CDC16: variants seen among roughly 807,000 people sequenced by gnomAD.
CDC16 encodes the protein cell division cycle protein 16 homolog.
A neutral mutation model predicts 87.0 loss-of-function variants in CDC16; 34 were observed. The observed-to-expected ratio is 0.39, with a 90% confidence interval of 0.30 to 0.52. The LOEUF is 0.52. CDC16 is among the 20% of genes least tolerant of loss of function. The pLI is 0.74. For synonymous variants in CDC16, 263 were observed against 260.6 expected (o/e 1.01, Z -0.09); for missense variants, 653 against 751.9 (o/e 0.87, Z 1.54).
At position 114,236,711 on chromosome 13, in the gene CDC16, A is replaced by C. The variant is rs2081269212; in HGVS notation, c.103+12A>C. 2 of 1,613,904 alleles carry C rather than the reference A, an allele frequency of 1.2e-6. No homozygotes were observed. Among genetic ancestry groups the C allele is most frequent in the Non-Finnish European group, 1.7e-6 (2 of 1,180,002 alleles). On this transcript the variant is annotated intron_variant, in intron 2 of 17. Transcript: ENST00000356221. Reference sequence around the variant, plus strand: ...TTCACTCTCTCGTGGTAAGTGACAAAATGCTAACTGGTTTTCTGATTAATC... The same window carrying C: ...TTCACTCTCTCGTGGTAAGTGACAACATGCTAACTGGTTTTCTGATTAATC...
At position 114,243,899 on chromosome 13, in the gene CDC16, G is replaced by A. The variant is rs2081699190; in HGVS notation, c.677G>A (p.Gly226Asp). Residue 226 changes from glycine (G) to aspartate (D), a missense_variant, in exon 8 of 18, where the codon GGC becomes GAC. Coordinates refer to ENST00000356221, the MANE Select transcript of CDC16 (RefSeq NM_001078645.3). Reference sequence around the variant, plus strand: ...ACGGTCATCCCTGAATCTGTAGATGGCTTGCAAGAGAATCTGGATGTGGTA... The same window carrying A: ...ACGGTCATCCCTGAATCTGTAGATGACTTGCAAGAGAATCTGGATGTGGTA... ...SETVIPESVD[G>D]LQENLDVVVS... 1 of 1,607,234 alleles carries A rather than the reference G, an allele frequency of 6.2e-7. No homozygotes were observed. Among genetic ancestry groups the A allele is most frequent in the African/African-American group, 1.3e-5 (1 of 74,742 alleles).
chr13:114,236,575 T>C (rs2081261356), intron 1 of CDC16, 70 bp from the exon 2 acceptor site: 3 of 1,279,314 alleles, frequency 2.3e-6, no homozygotes, highest in Admixed American at 2.4e-5. Flanking sequence ...ATTATAATAA[T>C]ATTAGATAAC....
Position 114,239,294 on chromosome 13 carries a change from A to G in CDC16, c.241-56A>G, listed in dbSNP as rs936400952. 5.8e-6 allele frequency: 9 copies of G among 1,552,878 alleles called. No individual in the cohort carries two copies. The African/African-American group carries it at 1.1e-4, about 19-fold the overall frequency. ...ATGTTATCCTTTAAAAATTCGGATC[A>G]TGTGTTTCGTGTTAGAAGTCGTGAG... On this transcript the variant is annotated intron_variant, in intron 4 of 17. Transcript: ENST00000356221.
Position 114,243,334 on chromosome 13 carries a change from A to C in CDC16, c.619A>C (p.Asn207His), listed in dbSNP as rs780692583. 3.2e-6 allele frequency: 5 copies of C among 1,540,308 alleles called. No homozygotes were observed. Among genetic ancestry groups the C allele is most frequent in the Non-Finnish European group, 2.7e-6 (3 of 1,113,304 alleles). ...GGAATTGCTGCGTTTTCTATTTGAG[A>C]ACAAATTGAAAAAAGTAAGTAAAAC... Reference protein sequence around the residue: ...EQELLRFLFENKLKKYNKPSE... With the variant: ...EQELLRFLFEHKLKKYNKPSE... The change falls in exon 7 of 18, where the codon AAC becomes CAC. Residue 207 changes from asparagine to histidine, a missense_variant. Asn to His is a moderately conservative substitution (Grantham distance 68, BLOSUM62 1). Transcript: ENST00000356221.
chr13:114,236,477 C>T (rs1049147672), intron 1 of CDC16, among the ~76,000 whole-genome samples, 168 bp from the exon 2 acceptor site: 1 of 152,038 alleles, frequency 6.6e-6, no homozygotes, highest in African/African-American at 2.4e-5. Flanking sequence ...AAAATTTACC[C>T]TACGTGAGAT....
chr13:114,261,527 G>A (rs1313073916), intron 14 of CDC16, among the ~76,000 whole-genome samples: 1 of 151,866 alleles, frequency 6.6e-6, no homozygotes, highest in African/African-American at 2.4e-5. Context: ...AGATGGGTGT[G>A]GTGTGTGGTG....
Position 114,256,867 on chromosome 13 carries a change from A to C in CDC16, c.1098-211A>C, listed in dbSNP as rs141239768. On this transcript the variant is annotated intron_variant, in intron 12 of 17. Transcript: ENST00000356221. ...GGAATAATAATGAAAATTAAAGGTA[A>C]ATAAGTTGCAGATAGATTCTAGAAG... Among the ~76,000 whole-genome samples the C allele has an allele frequency of 4.5e-3, 683 of 152,272 alleles. 4 individuals carry two copies. Among genetic ancestry groups the C allele is most frequent in the African/African-American group, 0.016 (660 of 41,550 alleles).
chr13:114,245,705 A>G, intron 9 of CDC16: 1 of 292,910 alleles, frequency 3.4e-6, no homozygotes, highest in Non-Finnish European at 6.2e-6. Flanking sequence ...GATGGTCCAT[A>G]ATGGGCCCTT....
At chr13:114,262,788 G>A (rs569852941) in intron 15 of CDC16, 91 bp from the exon 16 acceptor site, 26 of 1,289,320 alleles carry the variant, frequency 2.0e-5, no homozygotes, top group Middle Eastern at 3.7e-4. Context: ...TTGAGACAGC[G>A]TTTCTTGGGT....
chr13:114,242,464 T>C (rs983842514), intron 6 of CDC16, 184 bp downstream of exon 6: 1 of 566,552 alleles, frequency 1.8e-6, no homozygotes, highest in Non-Finnish European at 3.1e-6. Context: ...TGCCTTGTGC[T>C]GTCCGAATCT....
In CDC16 at chr13:114,250,659, C is replaced by T; in HGVS notation, c.1082C>T (p.Ala361Val). ...DQAMAAYFTA[A>V]QLMKGCHLPM... The stretch of plus-strand genomic sequence containing the variant: ...GCGATGGCTGCTTACTTCACAGCAG[C>T]ACAGCTGATGAAAGGGTACGGCAGA... The change falls in exon 12 of 18, where the codon GCA becomes GTA. Residue 361 changes from alanine (A) to valine (V), a missense_variant. Coordinates refer to ENST00000356221, the MANE Select transcript of CDC16 (RefSeq NM_001078645.3). The T allele has an allele frequency of 6.2e-7, 1 of 1,614,062 alleles. No homozygotes were observed. The highest frequency in any genetic ancestry group is 1.1e-5 in the South Asian group (1 of 91,068).
chr13:114,242,020 C>T, intron 5 of CDC16, 101 bp from the exon 6 acceptor site: 1 of 1,389,268 alleles, frequency 7.2e-7, no homozygotes, highest in Non-Finnish European at 9.7e-7. Flanking sequence ...CCACTGAACT[C>T]CAGCCTGGGA....
chr13:114,266,539 T>G (rs1453623916), intron 17 of CDC16, among the ~76,000 whole-genome samples: 2 of 152,236 alleles, frequency 1.3e-5, no homozygotes, highest in African/African-American at 4.8e-5. Context: ...CAGTCACTGA[T>G]GCACTTGTGT....
intron 3 of CDC16, among the ~76,000 whole-genome samples, chr13:114,237,341 G>C (rs2081306801): frequency 6.6e-6 from 1 of 152,130 alleles, no homozygotes; most frequent in South Asian, 2.1e-4. Context: ...TCACCCAGGA[G>C]TGCAGTGGGA....
chr13:114,256,424 T>C (rs2082501174), intron 12 of CDC16, among the ~76,000 whole-genome samples: 2 of 152,228 alleles, frequency 1.3e-5, no homozygotes, highest in Admixed American at 1.3e-4. Context: ...AATCAGTATT[T>C]ATTGATGTTC....
chr13:114,246,174 G>C, intron 10 of CDC16, 125 bp downstream of exon 10: 1 of 535,758 alleles, frequency 1.9e-6, no homozygotes, highest in Non-Finnish European at 3.3e-6. Context: ...TGTTGCAACA[G>C]AATCTCCTAG....
chr13:114,247,101 G>A, intron 11 of CDC16, 97 bp downstream of exon 11: 1 of 729,160 alleles, frequency 1.4e-6, no homozygotes, highest in Non-Finnish European at 2.4e-6. Context: ...TAAAAGCAAT[G>A]TGAAAGAATA....
chr13:114,272,534 C>T lies in CDC16; in HGVS notation c.*91C>T, dbSNP rs11554301. The T allele has an allele frequency of 6.5e-3, 7,320 of 1,134,744 alleles. 107 individuals are homozygous for T. Among genetic ancestry groups the T allele is most frequent in the African/African-American group, 0.047 (3,052 of 64,746 alleles). The allele number at this position is 1,134,744 out of a possible 1,614,324, so 70.3% of individuals were successfully genotyped here. ...GGCTTAAGAATGTCCCACTTCCTAA[C>T]GTGACTCCAAACTGCATCTCTACAT... is the stretch of plus-strand genomic sequence containing the variant. On this transcript the variant is annotated 3_prime_UTR_variant, in exon 18 of 18. Transcript: ENST00000356221.
intron 17 of CDC16, among the ~76,000 whole-genome samples, chr13:114,268,137 G>A (rs372660208): frequency 6.6e-6 from 1 of 152,230 alleles, no homozygotes; most frequent in Non-Finnish European, 1.5e-5. Context: ...AAGGGAAAGG[G>A]GGGGGAGTTC....
Sources: allele counts gnomAD v4.1 joint callset (sites outside exome capture counted in the v4.1 genomes callset), GRCh38; gene constraint gnomAD v4.1.1; transcripts MANE v1.5; gene names NCBI Gene and HGNC (gene_info 2026-07-23, HGNC 2026-07-21).